KANSL1: variants seen among roughly 807,000 people sequenced by gnomAD.
The protein encoded by KANSL1 is KAT8 regulatory NSL complex subunit 1, also known as MLL1/MLL complex subunit KANSL1.
In KANSL1, 22 loss-of-function variants were observed where a neutral mutation model predicts 103.6. That is an observed-to-expected ratio of 0.21 (90% CI 0.15 to 0.30). The LOEUF is 0.30. Among genes scored for constraint, KANSL1 ranks in the 10% least tolerant of loss-of-function variants. The pLI, the probability that KANSL1 is intolerant of heterozygous loss-of-function variation, is 1.00. For synonymous variants in KANSL1, 600 were observed against 527.6 expected, an observed-to-expected ratio of 1.14 and a Z score of -1.88; for missense variants, 1,337 against 1,399.8, an observed-to-expected ratio of 0.96 and a Z score of 0.72.
chr17:46,036,085 G>T (rs915259596), intron 10 of KANSL1, among the ~76,000 whole-genome samples: 11 of 150,740 alleles, frequency 7.3e-5, no homozygotes, highest in Non-Finnish European at 1.5e-4. Context: ...TCAGAATTTT[G>T]TTTGTTTGTT....
intron 2 of KANSL1, among the ~76,000 whole-genome samples, chr17:46,100,853 G>GA (rs1397159835): frequency 1.3e-5 from 2 of 152,240 alleles, no homozygotes; most frequent in African/African-American, 4.8e-5. Context: ...AAACATGCCA[G>GA]AAAAACCCGA....
chr17:46,124,463 G>A (rs2043425204), intron 2 of KANSL1, among the ~76,000 whole-genome samples: 1 of 152,218 alleles, frequency 6.6e-6, no homozygotes, highest in Admixed American at 6.5e-5. Context: ...TATAAATCCT[G>A]TTATCATGCC....
chr17:46,126,978 AG>A (rs2043593352), intron 2 of KANSL1, among the ~76,000 whole-genome samples: 2 of 152,240 alleles, frequency 1.3e-5, no homozygotes, highest in Non-Finnish European at 2.9e-5. Flanking sequence ...AGAACAACAG[AG>A]GGGATCCACA....
At chr17:46,196,183 A>G, upstream of KANSL1, 1 of 382,896 alleles carries the variant, frequency 2.6e-6, no homozygotes, top group South Asian at 1.9e-5. Context: ...GGCTGCAGTG[A>G]GTCATGATCA....
intron 1 of KANSL1, among the ~76,000 whole-genome samples, chr17:46,173,170 T>C (rs1203663411): frequency 6.6e-6 from 1 of 152,202 alleles, no homozygotes; most frequent in East Asian, 1.9e-4. Context: ...CATCCTCTTC[T>C]CTTCCTCCTG....
intron 4 of KANSL1, among the ~76,000 whole-genome samples, chr17:46,075,892 A>T (rs62060840): frequency 1.3e-5 from 2 of 152,132 alleles, no homozygotes; most frequent in Non-Finnish European, 2.9e-5. Context: ...CAGCAAGTCC[A>T]TAAGACTCAG....
At chr17:46,105,735 G>A (rs1473984715) in intron 2 of KANSL1, among the ~76,000 whole-genome samples, 1 of 152,140 alleles carries the variant, frequency 6.6e-6, no homozygotes, top group African/African-American at 2.4e-5. Flanking sequence ...GCCGGGAATG[G>A]TGGTGCAAGC....
At chr17:46,093,776 A>G (rs1598602472) in intron 3 of KANSL1, 1 of 152,354 alleles carries the variant, frequency 6.6e-6, no homozygotes, top group South Asian at 2.1e-4. Context: ...GGTCTACATA[A>G]AGATAGAGCT....
intron 2 of KANSL1, among the ~76,000 whole-genome samples, chr17:46,110,939 A>G (rs1246831202): frequency 6.6e-6 from 1 of 152,246 alleles, no homozygotes; most frequent in Non-Finnish European, 1.5e-5. Flanking sequence ...CAGTGTCACT[A>G]GGTATCAGGC....
intron 1 of KANSL1, among the ~76,000 whole-genome samples, chr17:46,215,697 C>T (rs934531142): frequency 6.6e-5 from 10 of 152,264 alleles, no homozygotes; most frequent in Non-Finnish European, 1.2e-4. Flanking sequence ...CACTAAGATA[C>T]GAAGATAGGA....
At chr17:46,172,742 T>C (rs2532269) in intron 1 of KANSL1, among the ~76,000 whole-genome samples, 24,814 of 152,206 alleles carry the variant, frequency 0.16, 2,376 homozygotes, top group Middle Eastern at 0.22. Flanking sequence ...TCTAGAAGTA[T>C]AGATTATACT....
In KANSL1 at chr17:46,171,324, G is replaced by A; in HGVS notation, c.820C>T (p.Leu274Phe). The A allele has an allele frequency of 6.2e-7, 1 of 1,614,178 alleles. No individual in the cohort carries two copies. Among genetic ancestry groups the A allele is most frequent in the Non-Finnish European group, 8.5e-7 (1 of 1,180,040 alleles). ...EGKKSPLSSI[L>F]FSALDSDTRI... ...GTGTCAGAATCTAAAGCACTGAAAA[G>A]AATGGAAGACAGGGGAGACTTTTTA... Residue 274 changes from leucine (L) to phenylalanine (F), a missense_variant, in exon 2 of 15, where the codon CTT becomes TTT. By Grantham distance (22) the Leu-to-Phe change is conservative (BLOSUM62 0). This residue lies in a region of KANSL1 where 557 missense variants were observed against 476.4 expected (regional missense o/e 1.17). Coordinates refer to ENST00000432791, the MANE Select transcript of KANSL1 (RefSeq NM_015443.4).
At chr17:46,074,763 CTAAATAAATAAATAAATAAA>C (rs71138522) in intron 4 of KANSL1, among the ~76,000 whole-genome samples, 9 of 142,556 alleles carry the variant, frequency 6.3e-5, no homozygotes, top group East Asian at 2.1e-4. Flanking sequence ...GACCCTATCT[CTAAATAAATAAATAAATAAA>C]TAAATAAATA....
intron 13 of KANSL1, 182 bp from the exon 14 acceptor site, chr17:46,032,481 A>G: frequency 2.0e-6 from 1 of 492,260 alleles, no homozygotes; most frequent in African/African-American, 2.0e-5. Flanking sequence ...TACAACATTT[A>G]CCATCCCAAG....
At chr17:46,099,527 A>G (rs927247342) in intron 2 of KANSL1, among the ~76,000 whole-genome samples, 4 of 152,198 alleles carry the variant, frequency 2.6e-5, no homozygotes, top group Admixed American at 1.3e-4. Context: ...AGAACACAGG[A>G]CTAAGGTTGC....
At chr17:46,062,106 A>AAC (rs1568403318) in intron 6 of KANSL1, among the ~76,000 whole-genome samples, 8 of 59,940 alleles carry the variant, frequency 1.3e-4, no homozygotes, top group South Asian at 8.6e-4. Flanking sequence ...AAAAAAAAAA[A>AAC]AAACAAACAA....
rs67108405 is a variant in KANSL1 at position 46,084,697 on chromosome 17, TAAAAAAAAAAAA to T, written c.1432-2167_1432-2156del. 6.2e-4 allele frequency among the ~76,000 whole-genome samples: 46 copies of T among 74,508 alleles called. No individual in the cohort carries two copies. In the South Asian group the frequency reaches 0.022, roughly 35 times the overall value. 48.9% of individuals were successfully genotyped at this position (74,508 alleles called of 152,430 possible). ...AACTCCACCTCAAAATTTTAAAAAT[TAAAAAAAAAAAA>T]AAAAAAAAAAAAAAAGAATTGGAGT... is the stretch of plus-strand genomic sequence containing the variant. On this transcript the variant is annotated intron_variant, in intron 3 of 14. Coordinates refer to ENST00000432791, the MANE Select transcript of KANSL1 (RefSeq NM_015443.4).
At chr17:46,210,499 A>ATAAATATGTGAAT (rs1567806897) in intron 1 of KANSL1, among the ~76,000 whole-genome samples, 8 of 79,764 alleles carry the variant, frequency 1.0e-4, no homozygotes, top group South Asian at 3.8e-4. Flanking sequence ...AAAAAAAAAA[A>ATAAATATGTGAAT]AAAGACCTGA....
intron 1 of KANSL1, 136 bp from the exon 2 acceptor site, chr17:46,172,368 C>T: frequency 1.8e-6 from 1 of 566,336 alleles, no homozygotes; most frequent in East Asian, 3.1e-5. Context: ...AACTGTACCA[C>T]AGTTATTCTA....
Sources: allele counts gnomAD v4.1 joint callset (sites outside exome capture counted in the v4.1 genomes callset), GRCh38; gene constraint gnomAD v4.1.1; regional missense constraint gnomAD v4.1.1; transcripts MANE v1.5; gene names NCBI Gene and HGNC (gene_info 2026-07-23, HGNC 2026-07-21).